TSPAN12: variants seen among roughly 807,000 people sequenced by gnomAD.
The protein encoded by TSPAN12 is tetraspanin 12.
In TSPAN12, 19 loss-of-function variants were observed where a neutral mutation model predicts 39.2. The ratio of observed to expected loss-of-function variants is 0.49; its 90% CI spans 0.34 to 0.71. The LOEUF is 0.71. TSPAN12 is among the 30% of genes least tolerant of loss of function. The pLI, the probability that TSPAN12 is intolerant of heterozygous loss-of-function variation, is 0.01. For synonymous variants in TSPAN12, 119 were observed against 124.8 expected (o/e 0.95, Z 0.31); for missense variants, 314 against 359.9 (o/e 0.87, Z 1.03).
chr7:120,856,879 G>T (rs2116521168), intron 1 of TSPAN12, 46 bp from the exon 2 acceptor site: 5 of 1,130,862 alleles, frequency 4.4e-6, no homozygotes, highest in South Asian at 1.3e-5. Flanking sequence ...TCACCATCAC[G>T]CTTCCCACAG....
At chr7:120,834,018 T>C (rs1794433944) in intron 4 of TSPAN12, among the ~76,000 whole-genome samples, 1 of 152,108 alleles carries the variant, frequency 6.6e-6, no homozygotes, top group African/African-American at 2.4e-5. Flanking sequence ...TCTTAGTCAT[T>C]TTTGGCTTGT....
In TSPAN12 at chr7:120,838,776, C is replaced by T. The variant is rs587777285; in HGVS notation, c.285+1G>A. 2 of 1,613,514 alleles carry T rather than the reference C, an allele frequency of 1.2e-6. No homozygotes were observed. Among genetic ancestry groups the T allele is most frequent in the Non-Finnish European group, 1.7e-6 (2 of 1,179,582 alleles). On this transcript the variant is annotated splice_donor_variant, in intron 4 of 7. Coordinates refer to ENST00000222747, the MANE Select transcript of TSPAN12 (RefSeq NM_012338.4). LOFTEE classifies it high-confidence loss of function. ...AATAAAGAGAAAATATAACATCATA[C>T]CCATGCAAGAAGCAACAGATTTCTT... is the stretch of plus-strand genomic sequence containing the variant.
chr7:120,856,829 G>C lies in TSPAN12; in HGVS notation c.-66C>G. On this transcript the variant is annotated 5_prime_UTR_variant, in exon 2 of 8. Coordinates refer to ENST00000222747, the MANE Select transcript of TSPAN12 (RefSeq NM_012338.4). Reference sequence around the variant, plus strand: ...TCCTACTCCCAAGGGCAAAACGGCAGCGATCTGCAGGGGGCGGGGGAGAGA... The same window carrying C: ...TCCTACTCCCAAGGGCAAAACGGCACCGATCTGCAGGGGGCGGGGGAGAGA... 1.3e-6 allele frequency: 2 copies of C among 1,553,420 alleles called. No homozygotes were observed. The highest frequency in any genetic ancestry group is 3.3e-5 in the Admixed American group (2 of 59,888).
In TSPAN12 at chr7:120,814,077, C is replaced by A. The variant is rs1180840477; in HGVS notation, c.360+1652G>T. The A allele has an allele frequency of 1.3e-5, 5 of 388,792 alleles. 1 individual carries two copies. The highest frequency in any genetic ancestry group is 7.8e-5 in the South Asian group (4 of 51,352). 24.1% of individuals were successfully genotyped at this position (388,792 alleles called of 1,614,324 possible). ...TATGTGTGAGTGTGCCAAAGCACCA[C>A]TGACATGTAAATTGGAGTGTGCAGA... On this transcript the variant is annotated intron_variant, in intron 5 of 7. Transcript: ENST00000222747.
intron 5 of TSPAN12, among the ~76,000 whole-genome samples, chr7:120,811,602 G>GA (rs1793982812): frequency 6.6e-6 from 1 of 150,756 alleles, no homozygotes; most frequent in Non-Finnish European, 1.5e-5. Context: ...CCCGGAGGGC[G>GA]AAGGTTGCAG....
chr7:120,840,848 C>A (rs936659767), intron 2 of TSPAN12, among the ~76,000 whole-genome samples: 1 of 152,202 alleles, frequency 6.6e-6, no homozygotes, highest in Non-Finnish European at 1.5e-5. Flanking sequence ...TAGAGCATCA[C>A]CATTTAACAA....
At chr7:120,796,188 A>G (rs1793626200) in intron 7 of TSPAN12, among the ~76,000 whole-genome samples, 1 of 152,186 alleles carries the variant, frequency 6.6e-6, no homozygotes, top group African/African-American at 2.4e-5. Flanking sequence ...CCTCCTGCAA[A>G]TATTTTCTCT....
intron 7 of TSPAN12, among the ~76,000 whole-genome samples, chr7:120,802,964 A>T (rs993301018): frequency 1.3e-5 from 2 of 152,204 alleles, no homozygotes; most frequent in African/African-American, 4.8e-5. Context: ...ACTTCAGACT[A>T]CTGAAGAATG....
At chr7:120,839,887 C>A (rs1416498458) in intron 3 of TSPAN12, 140 bp downstream of exon 3, 2 of 692,214 alleles carry the variant, frequency 2.9e-6, no homozygotes, top group Non-Finnish European at 5.3e-6. Context: ...CTGGAGGATG[C>A]AAGTGTCTGT....
intron 2 of TSPAN12, among the ~76,000 whole-genome samples, chr7:120,841,479 A>G (rs1794576788): frequency 6.6e-6 from 1 of 152,208 alleles, no homozygotes; most frequent in Non-Finnish European, 1.5e-5. Context: ...GATTTAAGAC[A>G]TGACCCAGTG....
intron 4 of TSPAN12, among the ~76,000 whole-genome samples, chr7:120,827,377 CACAT>C (rs1459485836): frequency 1.3e-5 from 2 of 152,094 alleles, no homozygotes; most frequent in African/African-American, 4.8e-5. Context: ...TATATTCATG[CACAT>C]ACACTTTGTT....
chr7:120,823,214 A>G (rs943796352), intron 4 of TSPAN12, among the ~76,000 whole-genome samples: 3 of 152,126 alleles, frequency 2.0e-5, no homozygotes, highest in African/African-American at 7.2e-5. Flanking sequence ...GAACGGTAGT[A>G]AAGGGATATC....
chr7:120,856,638 G>A (rs947631264), intron 2 of TSPAN12, 60 bp downstream of exon 2: 24 of 1,540,300 alleles, frequency 1.6e-5, no homozygotes, highest in East Asian at 1.1e-4. Context: ...GCATTATCCG[G>A]TGGCTGCAGA....
chr7:120,791,416 T>C (rs77026198), intron 7 of TSPAN12, among the ~76,000 whole-genome samples: 3,607 of 152,232 alleles, frequency 0.024, 142 homozygotes, highest in African/African-American at 0.081. Context: ...CAATACAACG[T>C]GGTGACTATA....
intron 4 of TSPAN12, among the ~76,000 whole-genome samples, chr7:120,837,610 C>T (rs1485624211): frequency 2.0e-5 from 3 of 152,132 alleles, no homozygotes; most frequent in Admixed American, 6.5e-5. Context: ...CCTTGCCCGG[C>T]CTGAGTGTGC....
chr7:120,792,039 G>T (rs1793536970), intron 7 of TSPAN12, among the ~76,000 whole-genome samples: 1 of 152,160 alleles, frequency 6.6e-6, no homozygotes, highest in African/African-American at 2.4e-5. Context: ...AAGTCTTGCG[G>T]CAATCTGAGG....
chr7:120,789,399 T>C (rs1433702684), intron 7 of TSPAN12, among the ~76,000 whole-genome samples: 1 of 152,248 alleles, frequency 6.6e-6, no homozygotes, highest in Non-Finnish European at 1.5e-5. Flanking sequence ...GTTTACGATT[T>C]AATAATACTT....
intron 4 of TSPAN12, among the ~76,000 whole-genome samples, chr7:120,820,674 G>T (rs982394332): frequency 6.6e-6 from 1 of 152,118 alleles, no homozygotes; most frequent in Non-Finnish European, 1.5e-5. Context: ...TAGATCATCA[G>T]TTCTGGCTGG....
At chr7:120,790,836 T>C (rs925608797) in intron 7 of TSPAN12, among the ~76,000 whole-genome samples, 1 of 152,218 alleles carries the variant, frequency 6.6e-6, no homozygotes, top group Admixed American at 6.5e-5. Context: ...GGCAACTTCA[T>C]TTAACATCAT....
Sources: gnomAD v4.1 joint callset for allele counts (sites outside exome capture counted in the v4.1 genomes callset) on GRCh38, gnomAD v4.1.1 for gene constraint, MANE v1.5 for transcripts, NCBI Gene and HGNC (gene_info 2026-07-23, HGNC 2026-07-21) for gene names.